RRBP1: variants seen among roughly 807,000 people sequenced by gnomAD.
RRBP1 encodes the protein ribosome-binding protein 1.
RRBP1 carries 94 observed loss-of-function variants against 165.2 expected under a neutral mutation model. The observed-to-expected ratio is 0.57, with a 90% CI of 0.48 to 0.68. The LOEUF (loss-of-function observed/expected upper bound fraction) is 0.68. Ranked by LOEUF, RRBP1 falls within the 30% of genes least tolerant of loss-of-function variation. The pLI is 0.00. For synonymous variants in RRBP1, 680 were observed against 714.5 expected (o/e 0.95, Z 0.77); for missense variants, 1,676 against 1,763.0 (o/e 0.95, Z 0.88).
intron 9 of RRBP1, among the ~76,000 whole-genome samples, chr20:17,627,972 C>A (rs895103936): frequency 3.3e-5 from 5 of 152,172 alleles, no homozygotes; most frequent in African/African-American, 1.2e-4. Context: ...CCAGCTGAGG[C>A]TTTTAAAGAT....
intron 11 of RRBP1, among the ~76,000 whole-genome samples, chr20:17,625,856 C>T (rs536754998): frequency 4.3e-4 from 66 of 152,248 alleles, no homozygotes; most frequent in Admixed American, 7.9e-4. Context: ...TTGGTGACAC[C>T]GGAGAGCTGG....
At chr20:17,646,830 C>A (rs1026164663) in intron 3 of RRBP1, among the ~76,000 whole-genome samples, 3 of 152,158 alleles carry the variant, frequency 2.0e-5, no homozygotes, top group Non-Finnish European at 4.4e-5. Flanking sequence ...TGTATAATTT[C>A]CAGGATCCCC....
intron 3 of RRBP1, among the ~76,000 whole-genome samples, chr20:17,649,630 A>G (rs1320253970): frequency 6.6e-6 from 1 of 152,070 alleles, no homozygotes; most frequent in Non-Finnish European, 1.5e-5. Context: ...GGGTGTTCCC[A>G]TCACGAAGTC....
Position 17,682,110 on chromosome 20 carries a change from C to T in RRBP1, c.-181G>A, listed in dbSNP as rs562686960. On this transcript the variant is annotated 5_prime_UTR_variant, in exon 1 of 25. Coordinates refer to ENST00000377813, the MANE Select transcript of RRBP1 (RefSeq NM_001365613.2). Reference sequence around the variant, plus strand: ...CGCCGCGGAGCCGGGAGAGAGGAGCCGGCCAAGCCTCCGCCAAGAAACCGC... The same window carrying T: ...CGCCGCGGAGCCGGGAGAGAGGAGCTGGCCAAGCCTCCGCCAAGAAACCGC... 310 of 152,986 alleles carry T rather than the reference C, an allele frequency of 2.0e-3. No individual in the cohort carries two copies. The highest frequency in any genetic ancestry group is 6.6e-3 in the African/African-American group (276 of 41,558). 9.5% of individuals were successfully genotyped at this position (152,986 alleles called of 1,614,324 possible). A position where few individuals can be genotyped will look rare whatever the true frequency, so the allele number is the denominator to read the frequency against.
At chr20:17,673,438 T>C (rs2037017006) in intron 2 of RRBP1, among the ~76,000 whole-genome samples, 1 of 152,222 alleles carries the variant, frequency 6.6e-6, no homozygotes, top group Non-Finnish European at 1.5e-5. Context: ...TGATGGAGTC[T>C]CACTTTGTCG....
chr20:17,681,091 C>G (rs1474876704), intron 1 of RRBP1, among the ~76,000 whole-genome samples: 3 of 151,706 alleles, frequency 2.0e-5, no homozygotes, highest in Non-Finnish European at 4.4e-5. Context: ...AGCGGGAGAG[C>G]CGGCCGGGCC....
At chr20:17,662,895 G>T (rs1008476715) in intron 2 of RRBP1, among the ~76,000 whole-genome samples, 2 of 152,004 alleles carry the variant, frequency 1.3e-5, no homozygotes, top group African/African-American at 4.8e-5. Flanking sequence ...AAATCCTAAG[G>T]CCAGGCATGG....
chr20:17,655,483 A>G (rs1309944313), intron 3 of RRBP1, among the ~76,000 whole-genome samples: 1 of 152,244 alleles, frequency 6.6e-6, no homozygotes, highest in Non-Finnish European at 1.5e-5. Flanking sequence ...GACTTCTCCA[A>G]TGAAAAGTCA....
chr20:17,627,510 G>A lies in RRBP1; in HGVS notation c.2922C>T (p.Asp974=), dbSNP rs143789896. The change falls in exon 10 of 25, where the codon GAC becomes GAT. Residue 974 remains aspartate, a synonymous_variant. Transcript: ENST00000377813. ...LEAGQARDAQ[D]VQASQAEADQ... ...CCCCAGGCAGAAGGCTGACCTGGAC[G>A]TCCTGGGCATCCCGCGCCTGGCCCG... is the stretch of plus-strand genomic sequence containing the variant. 1.3e-4 allele frequency: 215 copies of A among 1,610,044 alleles called. No homozygotes were observed. The African/African-American group carries it at 1.7e-3, about 13-fold the overall frequency.
Position 17,658,808 on chromosome 20 carries a change from C to T in RRBP1, c.1700G>A (p.Gly567Glu). The T allele has an allele frequency of 1.2e-6, 2 of 1,613,962 alleles. No homozygotes were observed. Among genetic ancestry groups the T allele is most frequent in the African/African-American group, 1.3e-5 (1 of 75,010 alleles). ...ACTGGGGGACCCTTCTGCTTTTTTC[C>T]CCTGGTTTGTAATACCCTCTACCTT... Reference protein sequence around the residue: ...GTKVEGITNQGKKAEGSPSEG... With the variant: ...GTKVEGITNQEKKAEGSPSEG... Residue 567 changes from glycine (G) to glutamate (E), a missense_variant, in exon 3 of 25, where the codon GGG becomes GAG. Gly to Glu is a moderately conservative substitution (Grantham distance 98). Around this residue, in one of 5 missense-constraint regions of RRBP1, gnomAD observed 1,184 missense variants for 1,167.1 expected, o/e 1.01. Coordinates refer to ENST00000377813, the MANE Select transcript of RRBP1 (RefSeq NM_001365613.2).
chr20:17,616,756 G>C lies in RRBP1; in HGVS notation c.3843C>G (p.Pro1281=), dbSNP rs1328477567. The change falls in exon 21 of 25, where the codon CCC becomes CCG. Residue 1281 remains proline, a synonymous_variant. Transcript: ENST00000377813. ...CCTGAACGGGGTCCTGCTCGGCTGG[G>C]GGCGCCTCTGGGGAGGAAGCTGGGG... The part of the protein sequence containing the change: ...AGAPASSPEA[P]PAEQDPVQLK... 24 of 1,611,214 alleles carry C rather than the reference G, an allele frequency of 1.5e-5. No individual in the cohort carries two copies. The highest frequency in any genetic ancestry group is 2.0e-5 in the Non-Finnish European group (24 of 1,178,892).
chr20:17,626,612 G>A (rs2036025871), intron 11 of RRBP1, among the ~76,000 whole-genome samples: 1 of 152,166 alleles, frequency 6.6e-6, no homozygotes, highest in African/African-American at 2.4e-5. Context: ...CACCCTCCAT[G>A]CCTCCCCCAC....
At chr20:17,629,716 C>A in intron 9 of RRBP1, 107 bp downstream of exon 9, 1 of 1,212,802 alleles carries the variant, frequency 8.2e-7, no homozygotes, top group South Asian at 1.4e-5. Flanking sequence ...GCTGCCCTCA[C>A]CCAACAGGCC....
In RRBP1 at chr20:17,626,981, T is replaced by TA. The variant is rs1568758801; in HGVS notation, c.2963+366dup. On this transcript the variant is annotated intron_variant, in intron 11 of 24. Coordinates refer to ENST00000377813, the MANE Select transcript of RRBP1 (RefSeq NM_001365613.2). ...TGGGTTGTGCAACCATTTTTCCTGT[T>TA]AGAGTTCCTGACCTCAGCCCCTAAA... Among the ~76,000 whole-genome samples the TA allele has an allele frequency of 3.3e-5, 5 of 152,092 alleles. No homozygotes were observed. In the South Asian group the frequency reaches 6.2e-4, roughly 19 times the overall value.
rs1022500859 is a variant in RRBP1 at position 17,656,227 on chromosome 20, GAAGA to G, written c.1912+2365_1912+2368del. 2.0e-5 allele frequency among the ~76,000 whole-genome samples: 3 copies of G among 152,326 alleles called. No homozygotes were observed. In the East Asian group the frequency reaches 5.8e-4, roughly 29 times the overall value. ...TTTTCTAGACTGCCGACACTGTGAAGAAGAAAGAAACCACCTTGCGGGCGGCATG... is the reference window on the plus strand; with the variant it reads ...TTTTCTAGACTGCCGACACTGTGAAGAAGAAACCACCTTGCGGGCGGCATG... On this transcript the variant is annotated intron_variant, in intron 3 of 24. Coordinates refer to ENST00000377813, the MANE Select transcript of RRBP1 (RefSeq NM_001365613.2).
At chr20:17,619,768 G>C (rs570748595) in intron 18 of RRBP1, 40 bp from the exon 19 acceptor site, 2 of 1,476,470 alleles carry the variant, frequency 1.4e-6, no homozygotes, top group African/African-American at 2.8e-5. Flanking sequence ...TGCGCCAGCA[G>C]CCTCTGCTCA....
At chr20:17,676,410 AGGAG>A (rs142655186) in intron 2 of RRBP1, among the ~76,000 whole-genome samples, 2,227 of 152,292 alleles carry the variant, frequency 0.015, 26 homozygotes, top group Non-Finnish European at 0.023. Flanking sequence ...TTCATTTTAT[AGGAG>A]GGAGAAAACT....
At chr20:17,680,239 C>T (rs918877678) in intron 1 of RRBP1, among the ~76,000 whole-genome samples, 164 bp from the exon 2 acceptor site, 2 of 152,240 alleles carry the variant, frequency 1.3e-5, no homozygotes, top group East Asian at 1.9e-4. Context: ...AGGAGGGAGG[C>T]GGGGCAGTGG....
At chr20:17,636,236 G>A (rs541419372) in intron 6 of RRBP1, among the ~76,000 whole-genome samples, 2 of 152,360 alleles carry the variant, frequency 1.3e-5, no homozygotes, top group East Asian at 1.9e-4. Context: ...TAGAGCCTGC[G>A]TTTCTCTAGG....
Sources: allele counts gnomAD v4.1 joint callset (sites outside exome capture counted in the v4.1 genomes callset), GRCh38; gene constraint gnomAD v4.1.1; regional missense constraint gnomAD v4.1.1; transcripts MANE v1.5; gene names NCBI Gene and HGNC (gene_info 2026-07-23, HGNC 2026-07-21).